Variants in CTNND2 observed in about 807,000 individuals in gnomAD.
CTNND2 encodes the protein catenin delta 2, also known as catenin delta-2.
Under a neutral mutation model 144.4 loss-of-function variants are expected in CTNND2, and 22 were observed. That is an observed-to-expected ratio of 0.15 (90% CI 0.11 to 0.22). The LOEUF is 0.22. Ranked by LOEUF, CTNND2 falls within the 10% of genes least tolerant of loss-of-function variation. The probability of loss-of-function intolerance (pLI) is 1.00; values close to 1 mark genes in which losing one functional copy is unlikely to be tolerated. For missense variants in CTNND2, 1,353 were observed against 1,618.8 expected (o/e 0.84, Z 2.82); for synonymous variants, 751 against 695.6 (o/e 1.08, Z -1.25).
chr5:11,496,170 G>A (rs4541634), intron 3 of CTNND2, among the ~76,000 whole-genome samples: 2,508 of 152,188 alleles, frequency 0.016, 70 homozygotes, highest in African/African-American at 0.058. Flanking sequence ...TCTGCCAAGG[G>A]TATTTCTAAA....
At chr5:11,072,462 T>C (rs192889494) in intron 16 of CTNND2, among the ~76,000 whole-genome samples, 3 of 152,340 alleles carry the variant, frequency 2.0e-5, no homozygotes, top group African/African-American at 4.8e-5. Flanking sequence ...ATACACGAAA[T>C]TGAATAGGAA....
intron 18 of CTNND2, 108 bp downstream of exon 18, chr5:11,017,866 T>G (rs1561178134): frequency 2.5e-6 from 2 of 812,138 alleles, no homozygotes; most frequent in Non-Finnish European, 2.1e-6. Flanking sequence ...TCGTTTCAGT[T>G]GTGTTTCAAT....
chr5:11,374,774 A>AC (rs1316364258), intron 7 of CTNND2, among the ~76,000 whole-genome samples: 1 of 104,646 alleles, frequency 9.6e-6, no homozygotes. Flanking sequence ...CTCCCAATCT[A>AC]CTTTTTTTTT....
intron 3 of CTNND2, among the ~76,000 whole-genome samples, chr5:11,479,098 T>C (rs983096481): frequency 2.0e-5 from 3 of 152,184 alleles, no homozygotes; most frequent in African/African-American, 7.2e-5. Context: ...GTTACCCAAG[T>C]ACTAAGACCT....
At chr5:11,156,964 T>C (rs555466803) in intron 12 of CTNND2, among the ~76,000 whole-genome samples, 1 of 152,314 alleles carries the variant, frequency 6.6e-6, no homozygotes, top group South Asian at 2.1e-4. Context: ...GGTGGTTGTG[T>C]ATTGTTTTAA....
At chr5:11,187,070 T>C (rs903364486) in intron 11 of CTNND2, among the ~76,000 whole-genome samples, 1 of 152,070 alleles carries the variant, frequency 6.6e-6, no homozygotes, top group African/African-American at 2.4e-5. Context: ...TGGACAACAA[T>C]AAGAATGTAA....
At chr5:11,326,799 C>T (rs1478400819) in intron 9 of CTNND2, among the ~76,000 whole-genome samples, 1 of 152,142 alleles carries the variant, frequency 6.6e-6, no homozygotes, top group African/African-American at 2.4e-5. Context: ...GCATCTTTAA[C>T]ATTGATGTCA....
Position 11,667,880 on chromosome 5 carries a change from A to AG in CTNND2, c.174+64255dup, listed in dbSNP as rs1783662349. ...AATGGTATTGCCTAGGTTTTATTCT[A>AG]GGTTTTTATGGTTTTAGGTCTTACC... On this transcript the variant is annotated intron_variant, in intron 2 of 21. Coordinates refer to ENST00000304623, the MANE Select transcript of CTNND2 (RefSeq NM_001332.4). 2.6e-5 allele frequency among the ~76,000 whole-genome samples: 4 copies of AG among 152,168 alleles called. No individual in the cohort carries two copies. The South Asian group carries it at 8.3e-4, about 32-fold the overall frequency.
rs535299395 is a variant in CTNND2 at position 11,447,134 on chromosome 5, A to G, written c.288-35065T>C. Among the ~76,000 whole-genome samples the G allele has an allele frequency of 4.6e-4, 70 of 152,310 alleles. No individual in the cohort carries two copies. In the South Asian group the frequency reaches 0.014, roughly 30 times the overall value. On this transcript the variant is annotated intron_variant, in intron 3 of 21. Transcript: ENST00000304623. Reference sequence around the variant, plus strand: ...TAAGGCGGGCAGCTCAATTGCGGCCAGGAATTTGAGACCAGCCTGGTCAAC... The same window carrying G: ...TAAGGCGGGCAGCTCAATTGCGGCCGGGAATTTGAGACCAGCCTGGTCAAC...
chr5:11,536,639 A>G (rs1774239585), intron 3 of CTNND2, among the ~76,000 whole-genome samples: 1 of 152,114 alleles, frequency 6.6e-6, no homozygotes, highest in Admixed American at 6.5e-5. Context: ...AAAACCAAAC[A>G]TTGTATGTTC....
At chr5:11,116,762 T>G (rs1165406833) in intron 13 of CTNND2, among the ~76,000 whole-genome samples, 1 of 152,180 alleles carries the variant, frequency 6.6e-6, no homozygotes, top group Non-Finnish European at 1.5e-5. Context: ...AATATGGGAT[T>G]ATTCAAATCG....
chr5:11,679,453 T>C (rs1201738989), intron 2 of CTNND2, among the ~76,000 whole-genome samples: 1 of 152,214 alleles, frequency 6.6e-6, no homozygotes, highest in African/African-American at 2.4e-5. Context: ...TTAGGCCCGT[T>C]ATGCTGGACC....
intron 1 of CTNND2, among the ~76,000 whole-genome samples, chr5:11,879,666 A>T (rs2127070200): frequency 6.6e-6 from 1 of 152,278 alleles, no homozygotes; most frequent in East Asian, 1.9e-4. Flanking sequence ...TACAAGAATT[A>T]TGAAACAAGA....
chr5:11,083,811 C>G, intron 15 of CTNND2: 1 of 835,780 alleles, frequency 1.2e-6, no homozygotes, highest in Non-Finnish European at 1.5e-6. Flanking sequence ...CTTTCCCACC[C>G]AGTCCCCCCA....
At chr5:11,732,515 T>G (rs924520571) in intron 1 of CTNND2, among the ~76,000 whole-genome samples, 3 of 152,216 alleles carry the variant, frequency 2.0e-5, no homozygotes, top group African/African-American at 7.2e-5. Context: ...CTTTCTGTTT[T>G]GTCTTTGAGG....
intron 9 of CTNND2, among the ~76,000 whole-genome samples, chr5:11,298,622 G>C (rs1749259886): frequency 6.6e-6 from 1 of 152,162 alleles, no homozygotes; most frequent in African/African-American, 2.4e-5. Context: ...CATTGAGCTA[G>C]TTCTATTACT....
chr5:11,585,841 G>A (rs1288998573), intron 2 of CTNND2, among the ~76,000 whole-genome samples: 1 of 152,152 alleles, frequency 6.6e-6, no homozygotes, highest in Non-Finnish European at 1.5e-5. Context: ...CCTGGGCTGG[G>A]GGGTGAGGAG....
At chr5:11,585,433 CTA>C (rs965238320) in intron 2 of CTNND2, among the ~76,000 whole-genome samples, 2 of 151,832 alleles carry the variant, frequency 1.3e-5, no homozygotes, top group African/African-American at 4.8e-5. Flanking sequence ...TTCTAACACA[CTA>C]TATTTATTTA....
chr5:11,252,723 G>A (rs970529550), intron 9 of CTNND2, among the ~76,000 whole-genome samples: 3 of 152,142 alleles, frequency 2.0e-5, no homozygotes, highest in Admixed American at 1.3e-4. Context: ...GCTCTCTTCA[G>A]AGCCCACAGT....
Sources: allele counts gnomAD v4.1 joint callset (sites outside exome capture counted in the v4.1 genomes callset), GRCh38; gene constraint gnomAD v4.1.1; transcripts MANE v1.5; gene names NCBI Gene and HGNC (gene_info 2026-07-23, HGNC 2026-07-21).